The following ATG4C variants were observed in gnomAD, a reference collection of about 807,000 sequenced individuals.
ATG4C encodes cysteine protease ATG4C.
A neutral mutation model predicts 57.6 loss-of-function variants in ATG4C; 56 were observed. That is an observed-to-expected ratio of 0.97 (90% confidence interval 0.78 to 1.21). The LOEUF (loss-of-function observed/expected upper bound fraction) is 1.21, where lower values mean the gene tolerates loss of function less well. ATG4C is among the 50% of genes most tolerant of loss of function. ATG4C has a pLI of 0.00. For missense variants in ATG4C, 595 were observed against 529.8 expected, an observed-to-expected ratio of 1.12 and a Z score of -1.21; for synonymous variants, 157 against 174.1, an observed-to-expected ratio of 0.90 and a Z score of 0.78.
At chr1:62,856,787 G>A (rs1666697286) in intron 10 of ATG4C, among the ~76,000 whole-genome samples, 1 of 152,158 alleles carries the variant, frequency 6.6e-6, no homozygotes, top group Non-Finnish European at 1.5e-5. Flanking sequence ...AAGTATGAAG[G>A]ATGACTAGAT....
At position 62,816,810 on chromosome 1, in the gene ATG4C, T is replaced by C. The variant is rs1665293944; in HGVS notation, c.394+2T>C. 1.3e-6 allele frequency: 2 copies of C among 1,512,744 alleles called. No homozygotes were observed. The highest frequency in any genetic ancestry group is 4.8e-5 in the East Asian group (2 of 41,630). 93.7% of individuals were successfully genotyped at this position (1,512,744 alleles called of 1,614,324 possible). ...TCATACTACACTTTCTTGGTAGAGG[T>C]AAATCAAATTTCTGTTTTTGTTTTG... On this transcript the variant is annotated splice_donor_variant, in intron 4 of 10. Transcript: ENST00000317868. LOFTEE classifies it high-confidence loss of function.
intron 6 of ATG4C, among the ~76,000 whole-genome samples, chr1:62,825,440 C>G (rs2100326511): frequency 6.6e-6 from 1 of 152,202 alleles, no homozygotes; most frequent in East Asian, 1.9e-4. Context: ...TGTAGATTTT[C>G]CCTCTGCCTC....
At chr1:62,812,539 C>G (rs770845214) in intron 3 of ATG4C, among the ~76,000 whole-genome samples, 3 of 152,290 alleles carry the variant, frequency 2.0e-5, no homozygotes, top group East Asian at 1.9e-4. Context: ...AAGCTGGAAG[C>G]ATTCCCTTTG....
At chr1:62,821,910 C>T (rs561214186) in intron 6 of ATG4C, among the ~76,000 whole-genome samples, 27 of 152,044 alleles carry the variant, frequency 1.8e-4, no homozygotes, top group Non-Finnish European at 2.8e-4. Context: ...AAGTTTTGAC[C>T]GTGTTTTGAT....
At chr1:62,821,904 T>A (rs542756210) in intron 6 of ATG4C, among the ~76,000 whole-genome samples, 1 of 152,132 alleles carries the variant, frequency 6.6e-6, no homozygotes, top group Non-Finnish European at 1.5e-5. Flanking sequence ...GAGACCAAGT[T>A]TTGACCGTGT....
At chr1:62,856,886 C>T (rs1171983850) in intron 10 of ATG4C, among the ~76,000 whole-genome samples, 1 of 152,118 alleles carries the variant, frequency 6.6e-6, no homozygotes, top group Non-Finnish European at 1.5e-5. Context: ...TTTAAGGGAA[C>T]AGTAAAACCC....
At chr1:62,827,107 G>A (rs1665686729) in intron 6 of ATG4C, among the ~76,000 whole-genome samples, 1 of 152,104 alleles carries the variant, frequency 6.6e-6, no homozygotes, top group South Asian at 2.1e-4. Flanking sequence ...AGTCAGATTA[G>A]GACATCCCTA....
At chr1:62,852,540 A>G (rs564854413) in intron 10 of ATG4C, among the ~76,000 whole-genome samples, 12 of 151,862 alleles carry the variant, frequency 7.9e-5, no homozygotes, top group African/African-American at 2.4e-4. Context: ...ATACCCTTTC[A>G]CCTGGTTTCT....
At chr1:62,793,482 G>T (rs1664353037) in intron 1 of ATG4C, among the ~76,000 whole-genome samples, 1 of 150,406 alleles carries the variant, frequency 6.6e-6, no homozygotes, top group East Asian at 2.0e-4. Flanking sequence ...GTGTGGTTGT[G>T]CCTGCCTGTA....
At chr1:62,837,163 T>G (rs1666024467) in intron 9 of ATG4C, among the ~76,000 whole-genome samples, 1 of 152,224 alleles carries the variant, frequency 6.6e-6, no homozygotes, top group Non-Finnish European at 1.5e-5. Context: ...TTAATTCTTG[T>G]GACATTTTCT....
At chr1:62,809,424 CAT>C (rs1047414307) in intron 3 of ATG4C, among the ~76,000 whole-genome samples, 5 of 146,224 alleles carry the variant, frequency 3.4e-5, no homozygotes, top group Admixed American at 6.9e-5. Flanking sequence ...TATAAACACA[CAT>C]ATATTTAAAA....
intron 8 of ATG4C, 68 bp downstream of exon 8, chr1:62,834,184 C>A: frequency 7.1e-7 from 1 of 1,415,522 alleles, no homozygotes. Flanking sequence ...AATATGAGAT[C>A]ATCTGGAAAC....
intron 1 of ATG4C, among the ~76,000 whole-genome samples, chr1:62,790,652 CAT>C (rs199725716): frequency 0.011 from 1,615 of 152,242 alleles, 46 homozygotes; most frequent in African/African-American, 0.036. Context: ...ACTAAAGTGA[CAT>C]AATTTAAAAC....
intron 10 of ATG4C, among the ~76,000 whole-genome samples, chr1:62,854,761 G>A (rs753370992): frequency 6.6e-5 from 10 of 152,186 alleles, no homozygotes; most frequent in Non-Finnish European, 1.3e-4. Context: ...TTGCCTTTTT[G>A]TTGGGTGACC....
intron 1 of ATG4C, among the ~76,000 whole-genome samples, chr1:62,787,106 C>T (rs1277105628): frequency 6.6e-6 from 1 of 152,124 alleles, no homozygotes; most frequent in Non-Finnish European, 1.5e-5. Context: ...GAAAGAGGAC[C>T]AGGTTTGGGA....
intron 10 of ATG4C, among the ~76,000 whole-genome samples, chr1:62,848,449 T>C (rs1045004097): frequency 6.6e-6 from 1 of 152,220 alleles, no homozygotes; most frequent in Non-Finnish European, 1.5e-5. Flanking sequence ...TGAAGAACTT[T>C]CTTTATTATT....
intron 3 of ATG4C, among the ~76,000 whole-genome samples, chr1:62,807,964 G>C (rs1442531961): frequency 6.6e-6 from 1 of 152,220 alleles, no homozygotes; most frequent in Admixed American, 6.5e-5. Flanking sequence ...ACTTCAGGTA[G>C]TTAGTTCATG....
At position 62,803,846 on chromosome 1, in the gene ATG4C, G is replaced by C; in HGVS notation, c.60G>C (p.Trp20Cys). The C allele has an allele frequency of 6.3e-7, 1 of 1,589,316 alleles. No homozygotes were observed. Among genetic ancestry groups the C allele is most frequent in the South Asian group, 1.1e-5 (1 of 89,108 alleles). ...TAAAAACCAAATTTATATCTGCTTG[G>C]AACAACATGAAATATAGTAAGTATC... is the stretch of plus-strand genomic sequence containing the variant. ...DKLKTKFISA[W>C]NNMKYSWVLK... Residue 20 changes from tryptophan (W) to cysteine (C), a missense_variant, in exon 2 of 11, where the codon TGG becomes TGC. Transcript: ENST00000317868.
At position 62,864,183 on chromosome 1, in the gene ATG4C, A is replaced by AAATC; in HGVS notation, c.*25_*26insATCA. The AAATC allele has an allele frequency of 6.4e-7, 1 of 1,568,144 alleles. No individual in the cohort carries two copies. Among genetic ancestry groups the AAATC allele is most frequent in the Non-Finnish European group, 8.6e-7 (1 of 1,163,820 alleles). On this transcript the variant is annotated 3_prime_UTR_variant, in exon 11 of 11. Transcript: ENST00000317868. ...AAAGATTAGCACATTTGTGCTTGAT[A>AAATC]AGAAGAATTCCATTGAAAGGGGAAA...
Sources: gnomAD v4.1 joint callset for allele counts (sites outside exome capture counted in the v4.1 genomes callset) on GRCh38, gnomAD v4.1.1 for gene constraint, MANE v1.5 for transcripts, NCBI Gene and HGNC (gene_info 2026-07-23, HGNC 2026-07-21) for gene names.